LIN28A: variants seen among roughly 807,000 people sequenced by gnomAD.
LIN28A encodes the protein protein lin-28 homolog A.
LIN28A carries 11 observed loss-of-function variants against 21.1 expected under a neutral mutation model. The ratio of observed to expected loss-of-function variants is 0.52; its 90% CI spans 0.33 to 0.86. The LOEUF (loss-of-function observed/expected upper bound fraction) is 0.86. LIN28A is among the 40% of genes least tolerant of loss of function. The pLI, the probability that LIN28A is intolerant of heterozygous loss-of-function variation, is 0.03. For missense variants in LIN28A, 219 were observed against 279.8 expected (o/e 0.78, Z 1.55); for synonymous variants, 111 against 108.7 (o/e 1.02, Z -0.13).
rs2075070931 is a variant in LIN28A, at chr1:26,428,152, T to C, written c.*1694T>C. 6.6e-6 allele frequency: 1 copy of C among 152,658 alleles called. No individual in the cohort carries two copies. Among genetic ancestry groups the C allele is most frequent in the South Asian group, 2.1e-4 (1 of 4,834 alleles). The allele number at this position is 152,658 out of a possible 1,614,324, so 9.5% of individuals were successfully genotyped here. On this transcript the variant is annotated 3_prime_UTR_variant, in exon 4 of 4. Coordinates refer to ENST00000326279, the MANE Select transcript of LIN28A (RefSeq NM_024674.6). Reference sequence around the variant, plus strand: ...TGTATTGGTCTTTCTCCGTGTTCTTTGGGGGTTTTGTTTACAAACTTCTTT... The same window carrying C: ...TGTATTGGTCTTTCTCCGTGTTCTTCGGGGGTTTTGTTTACAAACTTCTTT...
At chr1:26,425,510 T>C (rs1433295899) in intron 3 of LIN28A, 23 bp downstream of exon 3, 3 of 1,607,672 alleles carry the variant, frequency 1.9e-6, no homozygotes, top group South Asian at 1.1e-5. Context: ...AGGCAGCTTA[T>C]ATAGGTTGCT....
chr1:26,419,089 AG>A (rs1032196986), intron 2 of LIN28A, among the ~76,000 whole-genome samples: 18 of 130,950 alleles, frequency 1.4e-4, no homozygotes, highest in Middle Eastern at 7.1e-3. Flanking sequence ...GGGATGGGGA[AG>A]GGGGCGGGGC....
chr1:26,424,520 GTAAGCCACCGTGTGTGGC>G (rs1354486403), intron 2 of LIN28A, among the ~76,000 whole-genome samples: 2 of 152,248 alleles, frequency 1.3e-5, no homozygotes, highest in Non-Finnish European at 2.9e-5. Flanking sequence ...GGTTAAAGGC[GTAAGCCACCGTGTGTGGC>G]TGAGCCACCA....
intron 2 of LIN28A, among the ~76,000 whole-genome samples, chr1:26,417,926 A>T (rs1328102761): frequency 6.6e-6 from 1 of 152,026 alleles, no homozygotes; most frequent in African/African-American, 2.4e-5. Context: ...CCCCAGCTTT[A>T]ATCTGCACAA....
rs1395929985 is a variant in LIN28A at position 26,426,593 on chromosome 1, C to T, written c.*135C>T. ...CTCAGGCTTGGGTTCACACCATCAC[C>T]CTTTCTTCCCTCTAGGTGGGGGGAA... On this transcript the variant is annotated 3_prime_UTR_variant, in exon 4 of 4. Transcript: ENST00000326279. The T allele has an allele frequency of 1.5e-6, 1 of 680,440 alleles. No individual in the cohort carries two copies. The highest frequency in any genetic ancestry group is 1.8e-5 in the African/African-American group (1 of 55,570). The allele number at this position is 680,440 out of a possible 1,614,324, so 42.2% of individuals were successfully genotyped here.
intron 2 of LIN28A, among the ~76,000 whole-genome samples, chr1:26,413,697 C>G (rs976409947): frequency 6.6e-6 from 1 of 152,150 alleles, no homozygotes; most frequent in African/African-American, 2.4e-5. Flanking sequence ...TACCTGGTAG[C>G]TCTGATAATG....
At position 26,426,362 on chromosome 1, in the gene LIN28A, C is replaced by A. The variant is rs1322060806; in HGVS notation, c.534C>A (p.Ala178=). 1.2e-6 allele frequency: 2 copies of A among 1,614,050 alleles called. No individual in the cohort carries two copies. Among genetic ancestry groups the A allele is most frequent in the East Asian group, 4.5e-5 (2 of 44,900 alleles). Residue 178 remains alanine, a synonymous_variant, in exon 4 of 4, where the codon GCC becomes GCA. Transcript: ENST00000326279. ...TGGTAGCCTCATGTCCGCTGAAGGC[C>A]CAGCAGGGCCCTAGTGCACAGGGAA... ...SHMVASCPLK[A]QQGPSAQGKP... is the part of the protein sequence containing the mutation.
intron 2 of LIN28A, among the ~76,000 whole-genome samples, chr1:26,420,362 G>A (rs192021191): frequency 7.2e-5 from 11 of 152,130 alleles, no homozygotes; most frequent in Admixed American, 5.2e-4. Flanking sequence ...AAATTTGGCC[G>A]GGCATGGTGT....
chr1:26,426,747 T>G lies in LIN28A; in HGVS notation c.*289T>G, dbSNP rs1399169611. The G allele has an allele frequency of 5.2e-6, 2 of 386,260 alleles. No individual in the cohort carries two copies. The highest frequency in any genetic ancestry group is 9.7e-6 in the Non-Finnish European group (2 of 205,936). 23.9% of individuals were successfully genotyped at this position (386,260 alleles called of 1,614,324 possible). On this transcript the variant is annotated 3_prime_UTR_variant, in exon 4 of 4. Coordinates refer to ENST00000326279, the MANE Select transcript of LIN28A (RefSeq NM_024674.6). Reference sequence around the variant, plus strand: ...TCTCCATCCCCAGAATTTCCAGCTTTTGAAAGTGGCCTGGATAGGGAAGTT... The same window carrying G: ...TCTCCATCCCCAGAATTTCCAGCTTGTGAAAGTGGCCTGGATAGGGAAGTT...
chr1:26,420,058 A>T (rs1300344810), intron 2 of LIN28A, among the ~76,000 whole-genome samples: 3 of 152,066 alleles, frequency 2.0e-5, no homozygotes, highest in Non-Finnish European at 4.4e-5. Flanking sequence ...CCCAGATTCA[A>T]GCGATCCTTC....
Position 26,428,264 on chromosome 1 carries a change from C to T in LIN28A, c.*1806C>T, listed in dbSNP as rs1373253278. ...ATCTGAAACATTAGTTTGGGGGGCC[C>T]TCTTCTTAAAGTGGGGATCTTGAAC... On this transcript the variant is annotated 3_prime_UTR_variant, in exon 4 of 4. Transcript: ENST00000326279. 6.6e-6 allele frequency: 1 copy of T among 152,626 alleles called. No individual in the cohort carries two copies. The highest frequency in any genetic ancestry group is 6.5e-5 in the Admixed American group (1 of 15,284). The allele number at this position is 152,626 out of a possible 1,614,324, so 9.5% of individuals were successfully genotyped here.
At position 26,411,191 on chromosome 1, in the gene LIN28A, C is replaced by A. The variant is rs941270209; in HGVS notation, c.32-195C>A. Among the ~76,000 whole-genome samples, 1 of 152,192 alleles carries A rather than the reference C, an allele frequency of 6.6e-6. No individual in the cohort carries two copies. On this transcript the variant is annotated intron_variant, in intron 1 of 3. Transcript: ENST00000326279. This position sits in a 1 kb window ranked among gnomAD's most constrained non-coding sequence, Gnocchi z 5.4. ...GGGAAGAGGAGCAAAACTTTCGGGG[C>A]ACTACTGTCCCGGTGTACGCTAGGG...
intron 3 of LIN28A, 29 bp from the exon 4 acceptor site, chr1:26,426,213 C>A: frequency 6.3e-7 from 1 of 1,594,098 alleles, no homozygotes; most frequent in Non-Finnish European, 8.6e-7. Flanking sequence ...GCTCCTTTCT[C>A]TTACTTTTAC....
chr1:26,418,462 C>T (rs1045651569), intron 2 of LIN28A, among the ~76,000 whole-genome samples: 14 of 151,548 alleles, frequency 9.2e-5, no homozygotes, highest in Admixed American at 3.3e-4. Context: ...AGGAGAATGG[C>T]GTGAACCCGG....
intron 2 of LIN28A, among the ~76,000 whole-genome samples, chr1:26,423,393 ATTTCCTTTT>A (rs2075038375): frequency 1.9e-4 from 16 of 83,352 alleles, no homozygotes; most frequent in African/African-American, 5.7e-4. Context: ...CATTATTATG[ATTTCCTTTT>A]TTTTCTTTTT....
chr1:26,423,350 C>T, intron 2 of LIN28A, among the ~76,000 whole-genome samples: 1 of 142,536 alleles, frequency 7.0e-6, no homozygotes, highest in African/African-American at 2.6e-5. Context: ...CTGGCCTATT[C>T]TGTTTGTTTG....
In LIN28A at chr1:26,428,459, T is replaced by C. The variant is rs772851739; in HGVS notation, c.*2001T>C. On this transcript the variant is annotated 3_prime_UTR_variant, in exon 4 of 4. Coordinates refer to ENST00000326279, the MANE Select transcript of LIN28A (RefSeq NM_024674.6). ...GAGTGTCTCCACAACTCTTAAATGA[T>C]GTATGCAAAAATACTGAAGCTAGGA... The C allele has an allele frequency of 6.6e-6, 1 of 152,168 alleles. No homozygotes were observed. Among genetic ancestry groups the C allele is most frequent in the Non-Finnish European group, 1.5e-5 (1 of 68,042 alleles). The allele number at this position is 152,168 out of a possible 1,614,324, so 9.4% of individuals were successfully genotyped here.
intron 2 of LIN28A, among the ~76,000 whole-genome samples, chr1:26,414,464 T>C (rs1030808884): frequency 1.3e-5 from 2 of 152,182 alleles, no homozygotes; most frequent in Non-Finnish European, 2.9e-5. Flanking sequence ...TGTTAACTAA[T>C]GTTCTTATGC....
rs2074960795 is a variant in LIN28A, at chr1:26,411,704, T to C, written c.228+122T>C. 6.2e-6 allele frequency: 6 copies of C among 965,302 alleles called. No individual in the cohort carries two copies. The highest frequency in any genetic ancestry group is 2.7e-5 in the Admixed American group (1 of 37,322). 59.8% of individuals were successfully genotyped at this position (965,302 alleles called of 1,614,324 possible). On this transcript the variant is annotated intron_variant, in intron 2 of 3. Transcript: ENST00000326279. The surrounding 1 kb of genome is among the most constrained non-coding windows in gnomAD (Gnocchi z 5.4). ...GGAGCCCTCATTATGCATCCCTGTC[T>C]TTGCTTCGGCACCCCAATTCTGAGT...
Sources: gnomAD v4.1 joint callset for allele counts (sites outside exome capture counted in the v4.1 genomes callset) on GRCh38, gnomAD v4.1.1 for gene constraint, Gnocchi (gnomAD v3.1) non-coding constraint, MANE v1.5 for transcripts, NCBI Gene and HGNC (gene_info 2026-07-23, HGNC 2026-07-21) for gene names.